Variants in GABRA3 observed in about 807,000 individuals in gnomAD.
The protein encoded by GABRA3 is gamma-aminobutyric acid receptor subunit alpha-3.
In GABRA3, 10 loss-of-function variants were observed where a neutral mutation model predicts 30.1. The observed-to-expected ratio is 0.33, with a 90% confidence interval of 0.20 to 0.56. GABRA3 has a LOEUF of 0.56. Among genes scored for constraint, GABRA3 ranks in the 20% least tolerant of loss-of-function variants. The probability of loss-of-function intolerance (pLI) is 0.89; values close to 1 mark genes in which losing one functional copy is unlikely to be tolerated. For missense variants in GABRA3, 233 were observed against 392.0 expected (o/e 0.59, Z 3.42); for synonymous variants, 151 against 146.8 (o/e 1.03, Z -0.21).
At chrX:152,351,798 G>C (rs1275396522) in intron 2 of GABRA3, among the ~76,000 whole-genome samples, 3 of 111,264 alleles carry the variant, frequency 2.7e-5, no homozygotes, top group Non-Finnish European at 5.7e-5. Flanking sequence ...TTTAAAGTGA[G>C]AGCCATGTAA....
chrX:152,241,549 G>A (rs866130718), intron 5 of GABRA3, among the ~76,000 whole-genome samples: 106 of 108,520 alleles, frequency 9.8e-4, no homozygotes, highest in Non-Finnish European at 1.6e-3. Flanking sequence ...CGAGCTTCCC[G>A]GCTGCTTTGT....
At chrX:152,235,115 TC>T (rs984898163) in intron 5 of GABRA3, among the ~76,000 whole-genome samples, 1 of 112,022 alleles carries the variant, frequency 8.9e-6, no homozygotes, top group African/African-American at 3.2e-5. Context: ...TGGGATGTTT[TC>T]CCATTTCTTT....
chrX:152,278,931 T>C (rs751555804), intron 4 of GABRA3, among the ~76,000 whole-genome samples: 2 of 112,235 alleles, frequency 1.8e-5, no homozygotes, highest in South Asian at 7.4e-4. Context: ...TCTGTTCATA[T>C]CCTTCGCCCA....
chrX:152,316,733 C>A (rs1393691155), intron 3 of GABRA3, among the ~76,000 whole-genome samples: 1 of 111,793 alleles, frequency 8.9e-6, no homozygotes, highest in African/African-American at 3.3e-5. Context: ...CAATTATCAG[C>A]CAAGAATTTT....
At chrX:152,299,204 T>C (rs1939587322) in intron 3 of GABRA3, among the ~76,000 whole-genome samples, 1 of 112,091 alleles carries the variant, frequency 8.9e-6, no homozygotes, top group Admixed American at 9.5e-5. Flanking sequence ...GTAAGTAATG[T>C]TGAAGCCAGA....
intron 2 of GABRA3, among the ~76,000 whole-genome samples, chrX:152,363,840 A>G (rs1166643422): frequency 8.9e-6 from 1 of 112,051 alleles, no homozygotes; most frequent in Non-Finnish European, 1.9e-5. Flanking sequence ...GGAGAAGTCA[A>G]CAATATTGGA....
At chrX:152,369,465 C>G (rs189479761) in intron 1 of GABRA3, among the ~76,000 whole-genome samples, 54 of 111,610 alleles carry the variant, frequency 4.8e-4, no homozygotes, top group Non-Finnish European at 8.7e-4. Flanking sequence ...TCACACACTC[C>G]ACTTCAGCCA....
At position 152,296,483 on chromosome X, in the gene GABRA3, A is replaced by C. The variant is rs1048642509; in HGVS notation, c.263-11748T>G. 3.6e-5 allele frequency among the ~76,000 whole-genome samples: 4 copies of C among 111,791 alleles called. No individual in the cohort carries two copies. In the Admixed American group the frequency reaches 3.8e-4, roughly 11 times the overall value. On this transcript the variant is annotated intron_variant, in intron 3 of 9. Transcript: ENST00000370314. ...TCATAAACAGGTTGCTTACGGAAGCAGAAATTACAAAAGATTGTATCAGAA... is the reference window on the plus strand; with the variant it reads ...TCATAAACAGGTTGCTTACGGAAGCCGAAATTACAAAAGATTGTATCAGAA...
At chrX:152,368,115 C>A (rs1928705579) in intron 1 of GABRA3, among the ~76,000 whole-genome samples, 1 of 111,796 alleles carries the variant, frequency 8.9e-6, no homozygotes, top group Admixed American at 9.5e-5. Context: ...ATAATTTCTT[C>A]CCCCTGCTCA....
rs372803634 is a variant in GABRA3 at position 152,338,589 on chromosome X, C to A, written c.262+6992G>T. 8.0e-5 allele frequency among the ~76,000 whole-genome samples: 9 copies of A among 111,920 alleles called. No homozygotes were observed. The South Asian group carries it at 2.6e-3, about 32-fold the overall frequency. On this transcript the variant is annotated intron_variant, in intron 3 of 9. Transcript: ENST00000370314. ...TGTCATCTGTGCTTTCGAGGTCTTA[C>A]AAAAATAGTATTTGCCCAGACCAAC...
intron 7 of GABRA3, among the ~76,000 whole-genome samples, chrX:152,204,804 G>A (rs1937519154): frequency 8.9e-6 from 1 of 111,936 alleles, no homozygotes. Flanking sequence ...CAAAACAAAT[G>A]TATTCTTTCA....
intron 1 of GABRA3, among the ~76,000 whole-genome samples, chrX:152,398,661 G>A (rs1254474507): frequency 1.8e-5 from 2 of 112,215 alleles, no homozygotes; most frequent in Non-Finnish European, 1.9e-5. Context: ...GCTGATATAT[G>A]TTTCTACTTA....
intron 3 of GABRA3, among the ~76,000 whole-genome samples, chrX:152,300,776 C>A (rs1939617063): frequency 9.0e-6 from 1 of 111,717 alleles, no homozygotes; most frequent in African/African-American, 3.3e-5. Flanking sequence ...AATAGCAGAA[C>A]AGAGATGACA....
rs190645570 is a variant in GABRA3 at position 152,182,907 on chromosome X, C to T, written c.1143+6823G>A. Among the ~76,000 whole-genome samples the T allele has an allele frequency of 6.1e-3, 598 of 97,945 alleles. 6 individuals are homozygous for T. The highest frequency in any genetic ancestry group is 6.8e-3 in the Non-Finnish European group (335 of 49,170). 85.1% of individuals were successfully genotyped at this position (97,945 alleles called of 115,157 possible). A position where few individuals can be genotyped will look rare whatever the true frequency, so the allele number is the denominator to read the frequency against. On this transcript the variant is annotated intron_variant, in intron 9 of 9. Transcript: ENST00000370314. ...TATATATATAGTGTATACATATATA[C>T]TTTAAGAAGTTCTGGGGAATGATTC... is the stretch of plus-strand genomic sequence containing the variant.
chrX:152,207,862 T>C, intron 7 of GABRA3, 139 bp downstream of exon 7: 2 of 592,177 alleles, frequency 3.4e-6, no homozygotes, highest in Non-Finnish European at 5.2e-6. Context: ...TGAACTTTTA[T>C]ATACTCAGTT....
chrX:152,237,540 T>C (rs1253497465), intron 5 of GABRA3, among the ~76,000 whole-genome samples: 2 of 103,522 alleles, frequency 1.9e-5, no homozygotes, highest in Admixed American at 1.1e-4. Flanking sequence ...AAGAAAGTCA[T>C]TGGTAGCTTG....
At chrX:152,188,638 G>C (rs1017364880) in intron 9 of GABRA3, among the ~76,000 whole-genome samples, 1 of 111,702 alleles carries the variant, frequency 9.0e-6, no homozygotes, top group African/African-American at 3.2e-5. Context: ...GATTAAGGAA[G>C]TAGAACTACA....
intron 4 of GABRA3, among the ~76,000 whole-genome samples, chrX:152,279,826 C>T (rs1056130338): frequency 1.8e-5 from 2 of 111,396 alleles, no homozygotes; most frequent in African/African-American, 6.5e-5. Context: ...AGGTCCTTCA[C>T]ATCCCTTGCA....
intron 1 of GABRA3, among the ~76,000 whole-genome samples, chrX:152,387,203 C>T (rs994474040): frequency 2.8e-5 from 3 of 106,958 alleles, no homozygotes; most frequent in African/African-American, 6.8e-5. Context: ...TGCTAAATGA[C>T]GAGTTAATGG....
Sources: gnomAD v4.1 joint callset for allele counts (sites outside exome capture counted in the v4.1 genomes callset) on GRCh38, gnomAD v4.1.1 for gene constraint, MANE v1.5 for transcripts, NCBI Gene and HGNC (gene_info 2026-07-23, HGNC 2026-07-21) for gene names.